RHOH: variants seen among roughly 807,000 people sequenced by gnomAD.
The protein encoded by RHOH is rho-related GTP-binding protein RhoH.
In RHOH, 6 loss-of-function variants were observed where a neutral mutation model predicts 13.8. That is an observed-to-expected ratio of 0.44 (90% CI 0.24 to 0.86). RHOH has a LOEUF of 0.86. RHOH is among the 40% of genes least tolerant of loss of function. The pLI is 0.24. For synonymous variants in RHOH, 117 were observed against 103.0 expected, an observed-to-expected ratio of 1.14 and a Z score of -0.82; for missense variants, 147 against 244.5, an observed-to-expected ratio of 0.60 and a Z score of 2.66.
At chr4:40,210,865 G>A (rs1264092169) in intron 1 of RHOH, among the ~76,000 whole-genome samples, 1 of 152,164 alleles carries the variant, frequency 6.6e-6, no homozygotes, top group East Asian at 1.9e-4. Context: ...TTTCATGCAT[G>A]GGGCAATTAG....
At chr4:40,216,700 C>A (rs1725940044) in intron 1 of RHOH, among the ~76,000 whole-genome samples, 1 of 152,060 alleles carries the variant, frequency 6.6e-6, no homozygotes, top group South Asian at 2.1e-4. Context: ...TGAATGTTTT[C>A]AGAAAAAAAT....
intron 1 of RHOH, among the ~76,000 whole-genome samples, chr4:40,197,603 G>C (rs1723359658): frequency 6.6e-6 from 1 of 152,148 alleles, no homozygotes; most frequent in Non-Finnish European, 1.5e-5. Flanking sequence ...AACTGTATGG[G>C]TAGTTTAAAT....
intron 1 of RHOH, among the ~76,000 whole-genome samples, chr4:40,222,680 T>G (rs1261396392): frequency 1.3e-5 from 2 of 152,262 alleles, no homozygotes; most frequent in Non-Finnish European, 2.9e-5. Flanking sequence ...AATGCTGTTT[T>G]CATGCCTGTT....
intron 1 of RHOH, among the ~76,000 whole-genome samples, chr4:40,232,600 TA>T (rs1728075887): frequency 6.6e-6 from 1 of 152,110 alleles, no homozygotes; most frequent in Non-Finnish European, 1.5e-5. Context: ...AATTGACTGT[TA>T]ACTGATTTTA....
chr4:40,212,129 A>T (rs1021714739), intron 1 of RHOH, among the ~76,000 whole-genome samples: 1 of 152,178 alleles, frequency 6.6e-6, no homozygotes, highest in Non-Finnish European at 1.5e-5. Context: ...ATGAATACAG[A>T]TACTTCCTAG....
At chr4:40,242,330 G>A (rs1339234863) in intron 1 of RHOH, among the ~76,000 whole-genome samples, 1 of 152,184 alleles carries the variant, frequency 6.6e-6, no homozygotes, top group Non-Finnish European at 1.5e-5. Flanking sequence ...AGCGGAGTTC[G>A]GGATACACAG....
chr4:40,224,844 CAAAG>C (rs1374051813), intron 1 of RHOH, among the ~76,000 whole-genome samples: 1 of 152,230 alleles, frequency 6.6e-6, no homozygotes, highest in Non-Finnish European at 1.5e-5. Context: ...ATGCAAACTA[CAAAG>C]TATAATTAAT....
Position 40,216,029 on chromosome 4 carries a change from A to C in RHOH, c.-331+18729A>C, listed in dbSNP as rs893913772. On this transcript the variant is annotated intron_variant, in intron 1 of 2. Coordinates refer to ENST00000381799, the MANE Select transcript of RHOH (RefSeq NM_004310.5). ...CATCCTTGCCCCATGAAGCCATCGG[A>C]ACTGCAGCTCGTTTTCCGCTTTTTC... is the stretch of plus-strand genomic sequence containing the variant. Among the ~76,000 whole-genome samples the C allele has an allele frequency of 3.7e-4, 57 of 152,174 alleles. No individual in the cohort carries two copies. In the East Asian group the frequency reaches 0.011, roughly 28 times the overall value.
At chr4:40,212,149 G>A (rs1289683761) in intron 1 of RHOH, among the ~76,000 whole-genome samples, 1 of 152,188 alleles carries the variant, frequency 6.6e-6, no homozygotes, top group African/African-American at 2.4e-5. Context: ...GGACTGTAGG[G>A]TGGATAGCAA....
chr4:40,212,595 G>A (rs1400685188), intron 1 of RHOH: 3 of 152,230 alleles, frequency 2.0e-5, no homozygotes, highest in East Asian at 3.9e-4. Context: ...CTGGCTTTGA[G>A]GAAAGAATGG....
In RHOH at chr4:40,243,772, C is replaced by G. The variant is rs1729554020; in HGVS notation, c.386C>G (p.Ser129Cys). 6.2e-7 allele frequency: 1 copy of G among 1,613,962 alleles called. No individual in the cohort carries two copies. The highest frequency in any genetic ancestry group is 1.7e-5 in the Admixed American group (1 of 60,000). ...CGGGAGATGGGGCCCCACAGGGCCT[C>G]CTGCGTCAATGCCATGGAAGGGAAG... ...DQREMGPHRA[S>C]CVNAMEGKKL... The change falls in exon 3 of 3, where the codon TCC (serine) becomes TGC (cysteine). Residue 129 changes from serine (S) to cysteine (C), a missense_variant. Transcript: ENST00000381799. The surrounding 1 kb of genome is among the most constrained non-coding windows in gnomAD (Gnocchi z 6.2).
At chr4:40,196,345 A>G (rs532187023), upstream of RHOH, among the ~76,000 whole-genome samples, 1 of 152,292 alleles carries the variant, frequency 6.6e-6, no homozygotes, top group African/African-American at 2.4e-5. Context: ...GTTTAGCCAT[A>G]ACCTAAGTAG....
At chr4:40,242,438 G>A (rs1729365619) in intron 1 of RHOH, among the ~76,000 whole-genome samples, 1 of 152,324 alleles carries the variant, frequency 6.6e-6, no homozygotes, top group South Asian at 2.1e-4. Context: ...AGATGTGTAA[G>A]CTGAGGTGTG....
upstream of RHOH, among the ~76,000 whole-genome samples, chr4:40,196,588 C>T (rs573895045): frequency 4.6e-5 from 7 of 151,950 alleles, no homozygotes; most frequent in Admixed American, 2.6e-4. Context: ...TGCAGCAAAG[C>T]GAAGCAGACA....
intron 1 of RHOH, chr4:40,212,539 G>A (rs951686029): frequency 1.4e-4 from 21 of 152,120 alleles, no homozygotes; most frequent in African/African-American, 5.1e-4. Flanking sequence ...CCTCTCTTTT[G>A]TATATAGGTG....
intron 1 of RHOH, among the ~76,000 whole-genome samples, chr4:40,214,219 G>A (rs1487260182): frequency 6.6e-6 from 1 of 152,178 alleles, no homozygotes; most frequent in South Asian, 2.1e-4. Context: ...GCTTTCTGAT[G>A]AATGTTTGCA....
chr4:40,211,744 G>A lies in RHOH; in HGVS notation c.-331+14444G>A, dbSNP rs1035498595. On this transcript the variant is annotated intron_variant, in intron 1 of 2. Transcript: ENST00000381799. ...TGAGATAATTAGTTCTGATAGTTCC[G>A]TTAGTTTGTTTGTAAGAGATGAAAA... 4.6e-5 allele frequency among the ~76,000 whole-genome samples: 7 copies of A among 152,234 alleles called. No homozygotes were observed. In the South Asian group the frequency reaches 6.2e-4, roughly 14 times the overall value.
chr4:40,204,364 C>T (rs532926025), intron 1 of RHOH, among the ~76,000 whole-genome samples: 34 of 152,322 alleles, frequency 2.2e-4, no homozygotes, highest in East Asian at 1.5e-3. Context: ...AAGGGTCTAA[C>T]GCCTGAAATC....
chr4:40,203,589 C>T (rs1724295441), intron 1 of RHOH, among the ~76,000 whole-genome samples: 2 of 151,622 alleles, frequency 1.3e-5, no homozygotes, highest in Non-Finnish European at 2.9e-5. Flanking sequence ...GAAGCCGCTA[C>T]TTAAAGGCTC....
Sources: allele counts gnomAD v4.1 joint callset (sites outside exome capture counted in the v4.1 genomes callset), GRCh38; gene constraint gnomAD v4.1.1; non-coding constraint Gnocchi (gnomAD v3.1); transcripts MANE v1.5; gene names NCBI Gene and HGNC (gene_info 2026-07-23, HGNC 2026-07-21).